The following PAPPA2 variants were observed in gnomAD, a reference collection of about 807,000 sequenced individuals.
PAPPA2 encodes pappalysin-2.
PAPPA2 carries 86 observed loss-of-function variants against 176.4 expected under a neutral mutation model. That is an observed-to-expected ratio of 0.49 (90% CI 0.41 to 0.58). The LOEUF is 0.58. PAPPA2 is among the 20% of genes least tolerant of loss of function. The pLI is 0.00. For synonymous variants in PAPPA2, 809 were observed against 852.2 expected (o/e 0.95, Z 0.88); for missense variants, 2,073 against 2,256.9 (o/e 0.92, Z 1.65).
intron 1 of PAPPA2, among the ~76,000 whole-genome samples, chr1:176,466,082 G>C (rs956234501): frequency 7.2e-5 from 11 of 152,072 alleles, no homozygotes; most frequent in African/African-American, 2.4e-4. Flanking sequence ...TAATACATGC[G>C]TGTTTAACAT....
At chr1:176,622,216 G>A (rs916624573) in intron 3 of PAPPA2, among the ~76,000 whole-genome samples, 1 of 152,080 alleles carries the variant, frequency 6.6e-6, no homozygotes, top group African/African-American at 2.4e-5. Context: ...GTTTATCTTT[G>A]TACTGCCAGA....
At chr1:176,703,396 G>C (rs185819326) in intron 9 of PAPPA2, among the ~76,000 whole-genome samples, 1 of 152,100 alleles carries the variant, frequency 6.6e-6, no homozygotes, top group African/African-American at 2.4e-5. Flanking sequence ...GGACTTCCCC[G>C]GTTTTAGCAC....
chr1:176,748,813 G>A (rs768772037), intron 14 of PAPPA2, among the ~76,000 whole-genome samples: 3 of 152,050 alleles, frequency 2.0e-5, no homozygotes, highest in Non-Finnish European at 4.4e-5. Flanking sequence ...TGTAGCCTAC[G>A]AGCAGTAGGC....
intron 4 of PAPPA2, among the ~76,000 whole-genome samples, chr1:176,687,887 A>G (rs771967041): frequency 2.6e-5 from 4 of 152,180 alleles, no homozygotes; most frequent in Non-Finnish European, 5.9e-5. Flanking sequence ...TCAATTGATG[A>G]AGGACTTTTC....
intron 14 of PAPPA2, among the ~76,000 whole-genome samples, chr1:176,764,226 G>A (rs1663830574): frequency 6.6e-6 from 1 of 152,124 alleles, no homozygotes; most frequent in South Asian, 2.1e-4. Flanking sequence ...ATTTCAACAT[G>A]AGTTTTTTGG....
chr1:176,732,958 C>T (rs960806690), intron 12 of PAPPA2, among the ~76,000 whole-genome samples: 1 of 152,126 alleles, frequency 6.6e-6, no homozygotes, highest in Non-Finnish European at 1.5e-5. Context: ...CCCCTGAGCT[C>T]CACCTCTTGT....
In PAPPA2 at chr1:176,644,524, G is replaced by A. The variant is rs563708496; in HGVS notation, c.1992-26446G>A. Among the ~76,000 whole-genome samples the A allele has an allele frequency of 2.6e-5, 4 of 151,852 alleles. No homozygotes were observed. In the South Asian group the frequency reaches 8.3e-4, roughly 32 times the overall value. On this transcript the variant is annotated intron_variant, in intron 3 of 22. Coordinates refer to ENST00000367662, the MANE Select transcript of PAPPA2 (RefSeq NM_020318.3). ...ATATTCCATTGTACATATGACAATG[G>A]AATTTATTTTAATTCCTTTCTGAGT...
intron 21 of PAPPA2, among the ~76,000 whole-genome samples, chr1:176,802,294 A>T (rs1230935658): frequency 6.6e-6 from 1 of 151,836 alleles, no homozygotes; most frequent in Non-Finnish European, 1.5e-5. Context: ...TAGGAAAGGA[A>T]GGGGAACTGG....
intron 3 of PAPPA2, among the ~76,000 whole-genome samples, chr1:176,664,098 A>G (rs974152118): frequency 1.3e-5 from 2 of 152,096 alleles, no homozygotes; most frequent in African/African-American, 2.4e-5. Context: ...CACTCTCTTT[A>G]TGCTCTTTTA....
chr1:176,569,300 G>T (rs1652176015), intron 2 of PAPPA2, among the ~76,000 whole-genome samples: 2 of 152,132 alleles, frequency 1.3e-5, no homozygotes, highest in African/African-American at 2.4e-5. Context: ...CTGGCCTCTA[G>T]CCCCTGATGT....
chr1:176,735,804 A>C (rs2102868604), intron 12 of PAPPA2, among the ~76,000 whole-genome samples: 1 of 151,594 alleles, frequency 6.6e-6, no homozygotes, highest in East Asian at 2.0e-4. Context: ...TTTGTTTCAA[A>C]ATATTTTGTA....
intron 1 of PAPPA2, among the ~76,000 whole-genome samples, chr1:176,529,905 G>C (rs1573003832): frequency 6.6e-6 from 1 of 152,028 alleles, no homozygotes; most frequent in African/African-American, 2.4e-5. Context: ...TATTTTTAAA[G>C]AGTTTTTCTC....
At chr1:176,554,120 A>G (rs1158270759) in intron 1 of PAPPA2, among the ~76,000 whole-genome samples, 1 of 152,200 alleles carries the variant, frequency 6.6e-6, no homozygotes, top group Non-Finnish European at 1.5e-5. Context: ...TGGATGCTAC[A>G]TAAGGAAACA....
chr1:176,467,740 G>A lies in PAPPA2; in HGVS notation c.-917+4322G>A, dbSNP rs1651692246. On this transcript the variant is annotated intron_variant, in intron 1 of 22. Transcript: ENST00000367662. The stretch of plus-strand genomic sequence containing the variant: ...ATAAGGTCACTAATTTGGGGAGCTA[G>A]GTTTGGCACTTCAGTACAAACCACT... 2.0e-5 allele frequency among the ~76,000 whole-genome samples: 3 copies of A among 152,214 alleles called. No homozygotes were observed. In the South Asian group the frequency reaches 6.2e-4, roughly 32 times the overall value.
At chr1:176,550,397 T>C (rs1050043585) in intron 1 of PAPPA2, among the ~76,000 whole-genome samples, 1 of 152,232 alleles carries the variant, frequency 6.6e-6, no homozygotes, top group African/African-American at 2.4e-5. Flanking sequence ...GCAATCCTAA[T>C]TGAAGTATAA....
chr1:176,794,754 G>A (rs1665349434), intron 20 of PAPPA2, among the ~76,000 whole-genome samples: 1 of 151,742 alleles, frequency 6.6e-6, no homozygotes, highest in Non-Finnish European at 1.5e-5. Flanking sequence ...TGTGTCAAGG[G>A]CATGCTGGAT....
At chr1:176,784,516 A>G (rs10913253) in intron 17 of PAPPA2, among the ~76,000 whole-genome samples, 61,779 of 151,808 alleles carry the variant, frequency 0.41, 14,003 homozygotes, top group African/African-American at 0.6. Context: ...TCACAGGTCC[A>G]GAGCTTGAGA....
chr1:176,493,365 G>A (rs6656319), intron 1 of PAPPA2, among the ~76,000 whole-genome samples: 3 of 152,054 alleles, frequency 2.0e-5, no homozygotes, highest in African/African-American at 4.8e-5. Flanking sequence ...AAACATTAGC[G>A]AATGAGTTTT....
chr1:176,814,848 C>A (rs1167513123), intron 21 of PAPPA2, among the ~76,000 whole-genome samples: 1 of 152,200 alleles, frequency 6.6e-6, no homozygotes, highest in Non-Finnish European at 1.5e-5. Flanking sequence ...GAGAAGGCAT[C>A]CTTGTCTTGT....
Sources: allele counts gnomAD v4.1 joint callset (sites outside exome capture counted in the v4.1 genomes callset), GRCh38; gene constraint gnomAD v4.1.1; transcripts MANE v1.5; gene names NCBI Gene and HGNC (gene_info 2026-07-23, HGNC 2026-07-21).